The following CNGB3 variants were observed in gnomAD, a reference collection of about 807,000 sequenced individuals.
CNGB3 encodes cyclic nucleotide-gated channel beta-3.
CNGB3 carries 86 observed loss-of-function variants against 92.8 expected under a neutral mutation model. That is an observed-to-expected ratio of 0.93 (90% CI 0.78 to 1.11). The LOEUF (loss-of-function observed/expected upper bound fraction) is 1.11, where lower values mean the gene tolerates loss of function less well. Ranked by LOEUF, CNGB3 falls within the 50% of genes least tolerant of loss-of-function variation. The pLI, the probability that CNGB3 is intolerant of heterozygous loss-of-function variation, is 0.00. For missense variants in CNGB3, 1,026 were observed against 956.8 expected (o/e 1.07, Z -0.95); for synonymous variants, 333 against 332.7 (o/e 1.00, Z -0.01).
Position 86,643,845 on chromosome 8 carries a change from A to T in CNGB3, c.1084T>A (p.Phe362Ile). 6.2e-7 allele frequency: 1 copy of T among 1,607,200 alleles called. No individual in the cohort carries two copies. Among genetic ancestry groups the T allele is most frequent in the Admixed American group, 1.7e-5 (1 of 59,522 alleles). The change falls in exon 10 of 18, where the codon TTT becomes ATT. Residue 362 changes from phenylalanine (F) to isoleucine (I), a missense_variant. Transcript: ENST00000320005. ...RVIRTTGYLL[F>I]ILHINACVYY... The stretch of plus-strand genomic sequence containing the variant: ...ACACAGGCATTAATGTGCAGAATAA[A>T]CAGCAAGTATCCAGTTGTTCGAATA...
chr8:86,690,022 T>C (rs1330241485), intron 3 of CNGB3, among the ~76,000 whole-genome samples: 1 of 152,234 alleles, frequency 6.6e-6, no homozygotes, highest in Non-Finnish European at 1.5e-5. Flanking sequence ...ACAGTAAACA[T>C]ACATGTGCAT....
Position 86,631,440 on chromosome 8 carries a change from G to A in CNGB3, c.1320+1312C>T, listed in dbSNP as rs147572596. Among the ~76,000 whole-genome samples the A allele has an allele frequency of 8.8e-4, 134 of 152,134 alleles. 1 individual carries two copies. Among genetic ancestry groups the A allele is most frequent in the Middle Eastern group, 3.4e-3 (1 of 294 alleles). ...GTTATTATATATGGTTCTTCCATAC[G>A]ACCCTATGAACTACATGTATGAATC... is the stretch of plus-strand genomic sequence containing the variant. On this transcript the variant is annotated intron_variant, in intron 11 of 17. Coordinates refer to ENST00000320005, the MANE Select transcript of CNGB3 (RefSeq NM_019098.5).
At chr8:86,646,117 T>A (rs1055635359) in intron 8 of CNGB3, among the ~76,000 whole-genome samples, 2 of 151,124 alleles carry the variant, frequency 1.3e-5, no homozygotes, top group African/African-American at 4.8e-5. Flanking sequence ...GATAAACTCC[T>A]AAATCTATAG....
chr8:86,695,867 C>G (rs918387243), intron 3 of CNGB3, among the ~76,000 whole-genome samples: 12 of 152,172 alleles, frequency 7.9e-5, no homozygotes, highest in African/African-American at 2.9e-4. Flanking sequence ...TCCCCCTTCT[C>G]TTCGAGATGG....
chr8:86,608,507 C>A (rs1822454462), intron 14 of CNGB3, among the ~76,000 whole-genome samples: 1 of 152,200 alleles, frequency 6.6e-6, no homozygotes, highest in Non-Finnish European at 1.5e-5. Flanking sequence ...TGCTCCTCCA[C>A]CTCTTGTGGA....
chr8:86,689,915 G>T (rs1405353822), intron 3 of CNGB3, among the ~76,000 whole-genome samples: 1 of 152,154 alleles, frequency 6.6e-6, no homozygotes, highest in African/African-American at 2.4e-5. Flanking sequence ...TGGCTGCATA[G>T]TATTCCATGG....
At chr8:86,721,479 G>A (rs1234126725) in intron 3 of CNGB3, among the ~76,000 whole-genome samples, 2 of 152,030 alleles carry the variant, frequency 1.3e-5, no homozygotes, top group African/African-American at 4.8e-5. Context: ...TGCTCAGGAT[G>A]ATCTCAGAAA....
At chr8:86,629,109 C>T in intron 11 of CNGB3, 31 bp from the exon 12 acceptor site, 1 of 1,613,282 alleles carries the variant, frequency 6.2e-7, no homozygotes, top group Non-Finnish European at 8.5e-7. Flanking sequence ...ACTCCACGCC[C>T]AGCAGAGGAA....
chr8:86,591,168 C>G (rs565061997), intron 15 of CNGB3, among the ~76,000 whole-genome samples: 2 of 148,580 alleles, frequency 1.3e-5, no homozygotes, highest in Non-Finnish European at 3.0e-5. Flanking sequence ...ACGTAGTTCT[C>G]GAGCCTTGGT....
chr8:86,682,616 G>A (rs548718772), intron 3 of CNGB3, among the ~76,000 whole-genome samples: 2 of 152,144 alleles, frequency 1.3e-5, no homozygotes, highest in South Asian at 2.1e-4. Context: ...CTTTCATAGC[G>A]ATGCCAGGAG....
chr8:86,577,284 G>C (rs962142533), intron 17 of CNGB3, among the ~76,000 whole-genome samples: 1 of 152,100 alleles, frequency 6.6e-6, no homozygotes, highest in Non-Finnish European at 1.5e-5. Context: ...CCTTGATCTG[G>C]TTTTCAGTTT....
At chr8:86,672,086 G>T (rs932024414) in intron 3 of CNGB3, among the ~76,000 whole-genome samples, 2 of 152,192 alleles carry the variant, frequency 1.3e-5, no homozygotes, top group African/African-American at 2.4e-5. Context: ...GTGCTTCAAT[G>T]AACTTCCTTT....
At chr8:86,721,829 G>A (rs959950106) in intron 3 of CNGB3, among the ~76,000 whole-genome samples, 3 of 152,216 alleles carry the variant, frequency 2.0e-5, no homozygotes, top group Non-Finnish European at 4.4e-5. Flanking sequence ...AGTCACATAT[G>A]GATTTTTAAG....
intron 3 of CNGB3, among the ~76,000 whole-genome samples, chr8:86,684,802 G>A (rs1461736663): frequency 6.6e-6 from 1 of 152,092 alleles, no homozygotes; most frequent in African/African-American, 2.4e-5. Flanking sequence ...CAAAATTGTA[G>A]AGATGGAGAA....
chr8:86,611,685 A>C lies in CNGB3; in HGVS notation c.1579-14T>G, dbSNP rs1165211501. 1 of 1,577,472 alleles carries C rather than the reference A, an allele frequency of 6.3e-7. No homozygotes were observed. Among genetic ancestry groups the C allele is most frequent in the African/African-American group, 1.3e-5 (1 of 74,320 alleles). On this transcript the variant is annotated splice_polypyrimidine_tract_variant and intron_variant, in intron 13 of 17. Transcript: ENST00000320005. ...TGTATCACAACCCTATATAAAAAGA[A>C]AAATAATTCTTATAGAAACAACTAA...
chr8:86,589,785 T>C (rs1237847429), intron 15 of CNGB3, among the ~76,000 whole-genome samples: 2 of 151,810 alleles, frequency 1.3e-5, no homozygotes, highest in Admixed American at 1.3e-4. Context: ...GGAATAGGTG[T>C]GGTGTGGTGC....
chr8:86,642,998 G>A (rs1362315717), intron 10 of CNGB3, among the ~76,000 whole-genome samples: 1 of 151,384 alleles, frequency 6.6e-6, no homozygotes, highest in African/African-American at 2.4e-5. Context: ...CGGCATCGGA[G>A]TTATTAAAAG....
intron 7 of CNGB3, among the ~76,000 whole-genome samples, chr8:86,648,997 A>G (rs1823346197): frequency 6.6e-6 from 1 of 151,476 alleles, no homozygotes. Flanking sequence ...TAGCACTGCT[A>G]TACACCAATA....
chr8:86,714,710 G>A (rs1407976019), intron 3 of CNGB3, among the ~76,000 whole-genome samples: 2 of 152,184 alleles, frequency 1.3e-5, no homozygotes, highest in African/African-American at 4.8e-5. Flanking sequence ...AACTGAGTCT[G>A]TTTGCTGTCT....
Sources: gnomAD v4.1 joint callset for allele counts (sites outside exome capture counted in the v4.1 genomes callset) on GRCh38, gnomAD v4.1.1 for gene constraint, MANE v1.5 for transcripts, NCBI Gene and HGNC (gene_info 2026-07-23, HGNC 2026-07-21) for gene names.